The following LRRTM3 variants were observed in gnomAD, a reference collection of about 807,000 sequenced individuals.
The protein encoded by LRRTM3 is leucine-rich repeat transmembrane neuronal protein 3.
LRRTM3 carries 24 observed loss-of-function variants against 44.7 expected under a neutral mutation model. The observed-to-expected ratio is 0.54, with a 90% CI of 0.39 to 0.76. The LOEUF is 0.76. Ranked by LOEUF, LRRTM3 falls within the 30% of genes least tolerant of loss-of-function variation. LRRTM3 has a pLI of 0.00. For missense variants in LRRTM3, 587 were observed against 702.2 expected, an observed-to-expected ratio of 0.84 and a Z score of 1.85; for synonymous variants, 277 against 278.7, an observed-to-expected ratio of 0.99 and a Z score of 0.06.
At chr10:67,087,104 T>C (rs1188571885) in intron 2 of LRRTM3, among the ~76,000 whole-genome samples, 1 of 152,092 alleles carries the variant, frequency 6.6e-6, no homozygotes, top group African/African-American at 2.4e-5. Flanking sequence ...TCACTTTACC[T>C]GGCAATAGTA....
intron 2 of LRRTM3, among the ~76,000 whole-genome samples, chr10:67,023,082 T>C (rs1853132568): frequency 6.6e-6 from 1 of 152,176 alleles, no homozygotes; most frequent in Non-Finnish European, 1.5e-5. Context: ...AGTTGAGCTA[T>C]GTATCTAATT....
At chr10:66,988,475 T>C (rs1252373596) in intron 2 of LRRTM3, among the ~76,000 whole-genome samples, 2 of 152,210 alleles carry the variant, frequency 1.3e-5, no homozygotes, top group Non-Finnish European at 2.9e-5. Context: ...TCATTCTTAC[T>C]GAGTGGAAAA....
intron 2 of LRRTM3, among the ~76,000 whole-genome samples, chr10:67,069,584 C>G (rs975040755): frequency 9.0e-5 from 13 of 144,942 alleles, no homozygotes; most frequent in African/African-American, 3.4e-4. Context: ...CCCACCCCAC[C>G]CAGTCCCTGC....
intron 2 of LRRTM3, among the ~76,000 whole-genome samples, chr10:67,047,053 CTG>C (rs1384964271): frequency 2.6e-5 from 4 of 152,196 alleles, no homozygotes; most frequent in Non-Finnish European, 5.9e-5. Flanking sequence ...CTGCCTGTAT[CTG>C]ATTCCTTGCT....
intron 2 of LRRTM3, among the ~76,000 whole-genome samples, chr10:67,066,535 CAAA>C (rs57093251): frequency 3.7e-5 from 3 of 80,132 alleles, no homozygotes; most frequent in Non-Finnish European, 6.2e-5. Flanking sequence ...CAGTTCTTGA[CAAA>C]AAAAAAAAAA....
At position 66,968,424 on chromosome 10, in the gene LRRTM3, AAG is replaced by A. The variant is rs1418554934; in HGVS notation, c.1536+39976_1536+39977del. Among the ~76,000 whole-genome samples, 10 of 151,344 alleles carry A rather than the reference AAG, an allele frequency of 6.6e-5. No homozygotes were observed. The East Asian group carries it at 1.9e-3, about 29-fold the overall frequency. Reference sequence around the variant, plus strand: ...ACATTAAGGGAAAGAAATTAAAAAAAAGAGACAAGATGAATTTAAACTAGAGA... The same window carrying A: ...ACATTAAGGGAAAGAAATTAAAAAAAAGACAAGATGAATTTAAACTAGAGA... On this transcript the variant is annotated intron_variant, in intron 2 of 2. Coordinates refer to ENST00000361320, the MANE Select transcript of LRRTM3 (RefSeq NM_178011.5).
intron 2 of LRRTM3, among the ~76,000 whole-genome samples, chr10:67,056,135 C>T (rs189407827): frequency 6.6e-6 from 1 of 152,170 alleles, no homozygotes; most frequent in Admixed American, 6.6e-5. Context: ...CTACCTACAG[C>T]CTGAAATACA....
chr10:67,052,348 C>CTCTCTCTCTT (rs1554906455), intron 2 of LRRTM3, among the ~76,000 whole-genome samples: 1 of 134,264 alleles, frequency 7.4e-6, no homozygotes, highest in Non-Finnish European at 1.6e-5. Flanking sequence ...CTCTCTCTCT[C>CTCTCTCTCTT]TCTCTCATTA....
intron 2 of LRRTM3, among the ~76,000 whole-genome samples, chr10:66,975,801 TTA>T (rs1849998126): frequency 6.6e-6 from 1 of 152,216 alleles, no homozygotes; most frequent in Non-Finnish European, 1.5e-5. Flanking sequence ...TTTTTCTAAG[TTA>T]ACACATGATA....
At chr10:66,964,992 C>G (rs1849320527) in intron 2 of LRRTM3, among the ~76,000 whole-genome samples, 1 of 152,204 alleles carries the variant, frequency 6.6e-6, no homozygotes, top group South Asian at 2.1e-4. Context: ...AAGATGAATT[C>G]TGCAATAAGA....
chr10:66,992,301 C>G (rs1274192006), intron 2 of LRRTM3, among the ~76,000 whole-genome samples: 3 of 151,854 alleles, frequency 2.0e-5, no homozygotes, highest in Admixed American at 6.6e-5. Flanking sequence ...TTTATTTGTC[C>G]TTTGGTTTTG....
At chr10:67,055,477 C>G (rs892860239) in intron 2 of LRRTM3, among the ~76,000 whole-genome samples, 1 of 151,956 alleles carries the variant, frequency 6.6e-6, no homozygotes, top group Non-Finnish European at 1.5e-5. Flanking sequence ...GTTGTTTTAA[C>G]CAAACAGACT....
chr10:67,042,894 T>G lies in LRRTM3; in HGVS notation c.1537-54693T>G, dbSNP rs186741597. ...AGGGCAATAGACCAGAGGGTTTAAC[T>G]ATATTTCCTGTAACAAATTTGAATA... On this transcript the variant is annotated intron_variant, in intron 2 of 2. Transcript: ENST00000361320. Among the ~76,000 whole-genome samples the G allele has an allele frequency of 7.9e-5, 12 of 152,262 alleles. No homozygotes were observed. The East Asian group carries it at 2.3e-3, about 29-fold the overall frequency.
chr10:67,037,155 G>C (rs1168404885), intron 2 of LRRTM3, among the ~76,000 whole-genome samples: 2 of 152,114 alleles, frequency 1.3e-5, no homozygotes, highest in Admixed American at 1.3e-4. Flanking sequence ...TAAACAAGTA[G>C]AGAGATGTTC....
chr10:66,982,690 G>T (rs1486346876), intron 2 of LRRTM3, among the ~76,000 whole-genome samples: 1 of 152,134 alleles, frequency 6.6e-6, no homozygotes, highest in Non-Finnish European at 1.5e-5. Context: ...AATAGATAAG[G>T]TCAGATGGCA....
At chr10:67,019,500 G>T (rs544377730) in intron 2 of LRRTM3, among the ~76,000 whole-genome samples, 11 of 152,200 alleles carry the variant, frequency 7.2e-5, no homozygotes, top group African/African-American at 2.7e-4. Flanking sequence ...TTACAGGCAT[G>T]AGCCACCGTA....
chr10:67,035,202 A>G (rs1263866138), intron 2 of LRRTM3, among the ~76,000 whole-genome samples: 2 of 152,222 alleles, frequency 1.3e-5, no homozygotes, highest in Non-Finnish European at 2.9e-5. Context: ...TATGTATAGC[A>G]TAGTGCTCTG....
chr10:67,075,696 T>C (rs1437185340), intron 2 of LRRTM3, among the ~76,000 whole-genome samples: 2 of 152,210 alleles, frequency 1.3e-5, no homozygotes, highest in African/African-American at 2.4e-5. Flanking sequence ...CTACTATTAA[T>C]TGCATTGAAT....
chr10:67,000,202 C>T (rs1175574458), intron 2 of LRRTM3, among the ~76,000 whole-genome samples: 2 of 152,122 alleles, frequency 1.3e-5, no homozygotes, highest in African/African-American at 2.4e-5. Flanking sequence ...TCAAGAGAAA[C>T]ATTTACAAGA....
Sources: allele counts gnomAD v4.1 joint callset (sites outside exome capture counted in the v4.1 genomes callset), GRCh38; gene constraint gnomAD v4.1.1; transcripts MANE v1.5; gene names NCBI Gene and HGNC (gene_info 2026-07-23, HGNC 2026-07-21).